CNTN4: variants seen among roughly 807,000 people sequenced by gnomAD.
CNTN4 encodes contactin-4.
In CNTN4, 77 loss-of-function variants were observed where a neutral mutation model predicts 122.5. That is an observed-to-expected ratio of 0.63 (90% CI 0.52 to 0.76). The LOEUF is 0.76. Ranked by LOEUF, CNTN4 falls within the 30% of genes least tolerant of loss-of-function variation. CNTN4 has a pLI of 0.00. For synonymous variants in CNTN4, 512 were observed against 447.0 expected (o/e 1.15, Z -1.83); for missense variants, 1,256 against 1,259.1 (o/e 1.00, Z 0.04).
At chr3:2,815,677 A>G (rs1022571535) in intron 6 of CNTN4, among the ~76,000 whole-genome samples, 4 of 152,142 alleles carry the variant, frequency 2.6e-5, no homozygotes. Flanking sequence ...CAGTGTGGAT[A>G]TTCCTTAAAG....
intron 4 of CNTN4, among the ~76,000 whole-genome samples, chr3:2,654,615 C>G (rs1311373900): frequency 6.6e-6 from 1 of 152,162 alleles, no homozygotes; most frequent in Non-Finnish European, 1.5e-5. Flanking sequence ...CACAAGCATT[C>G]AGCCCTGCTC....
intron 4 of CNTN4, among the ~76,000 whole-genome samples, chr3:2,678,484 G>T (rs1387118452): frequency 6.6e-6 from 1 of 152,054 alleles, no homozygotes; most frequent in African/African-American, 2.4e-5. Context: ...AGTTATCTTT[G>T]TGTTTAGGCT....
chr3:2,558,212 A>G (rs1346829783), intron 3 of CNTN4, among the ~76,000 whole-genome samples: 1 of 152,230 alleles, frequency 6.6e-6, no homozygotes, highest in African/African-American at 2.4e-5. Context: ...GTACGTAAGT[A>G]TAGTATGATC....
rs138972676 is a variant in CNTN4, at chr3:2,691,666, A to G, written c.56-44549A>G. Among the ~76,000 whole-genome samples, 49 of 152,340 alleles carry G rather than the reference A, an allele frequency of 3.2e-4. No homozygotes were observed. In the East Asian group the frequency reaches 9.1e-3, roughly 28 times the overall value. On this transcript the variant is annotated intron_variant, in intron 4 of 24. Coordinates refer to ENST00000418658, the MANE Select transcript of CNTN4 (RefSeq NM_175607.3). ...TGGAGCCATTGCCTCAGGGGAATATAGTAATTAGCATAACTATCAACAACA... is the reference window on the plus strand; with the variant it reads ...TGGAGCCATTGCCTCAGGGGAATATGGTAATTAGCATAACTATCAACAACA...
intron 24 of CNTN4, 113 bp downstream of exon 24, chr3:3,054,088 A>C: frequency 9.1e-7 from 1 of 1,102,884 alleles, no homozygotes; most frequent in South Asian, 1.3e-5. Flanking sequence ...TAAAATAGAA[A>C]TGGAGAACAC....
intron 2 of CNTN4, among the ~76,000 whole-genome samples, chr3:2,224,753 C>G (rs918011672): frequency 1.3e-5 from 2 of 152,146 alleles, no homozygotes; most frequent in Non-Finnish European, 2.9e-5. Flanking sequence ...CCTGTCAGCT[C>G]AATATGGGGT....
intron 6 of CNTN4, among the ~76,000 whole-genome samples, chr3:2,812,549 GTTTGTTTTT>G (rs1261816499): frequency 6.6e-6 from 1 of 150,980 alleles, no homozygotes; most frequent in Admixed American, 6.6e-5. Flanking sequence ...GTCTTATCAG[GTTTGTTTTT>G]TTTGTTTTGT....
intron 3 of CNTN4, among the ~76,000 whole-genome samples, chr3:2,429,341 G>A (rs2047969229): frequency 6.6e-6 from 1 of 152,208 alleles, no homozygotes; most frequent in Non-Finnish European, 1.5e-5. Flanking sequence ...GTTTGCTGGA[G>A]GTCCACTCCA....
chr3:2,340,472 T>TA (rs1003911672), intron 3 of CNTN4, among the ~76,000 whole-genome samples: 19 of 150,534 alleles, frequency 1.3e-4, no homozygotes, highest in African/African-American at 2.9e-4. Flanking sequence ...CACCCTCAGT[T>TA]AAAAAAAATA....
chr3:3,057,467 A>G lies in CNTN4; in HGVS notation c.*1247A>G, dbSNP rs903152205. On this transcript the variant is annotated 3_prime_UTR_variant, in exon 25 of 25. Coordinates refer to ENST00000418658, the MANE Select transcript of CNTN4 (RefSeq NM_175607.3). ...TCAACAAAACTGTATTCTTATGAAA[A>G]GAACTATTTGTTACAATGAGAAAGG... is the stretch of plus-strand genomic sequence containing the variant. The G allele has an allele frequency of 1.3e-5, 2 of 152,670 alleles. No homozygotes were observed. Among genetic ancestry groups the G allele is most frequent in the Non-Finnish European group, 2.9e-5 (2 of 68,046 alleles). The allele number at this position is 152,670 out of a possible 1,614,324, so 9.5% of individuals were successfully genotyped here.
chr3:2,747,444 A>T (rs1237002134), intron 6 of CNTN4, among the ~76,000 whole-genome samples: 2 of 145,234 alleles, frequency 1.4e-5, no homozygotes, highest in African/African-American at 2.5e-5. Context: ...AAAATAAAAT[A>T]CTATACCCAA....
chr3:2,954,940 C>T (rs2094783277), intron 13 of CNTN4, among the ~76,000 whole-genome samples: 1 of 152,114 alleles, frequency 6.6e-6, no homozygotes, highest in Non-Finnish European at 1.5e-5. Context: ...ACCGTAGTCT[C>T]ATTCCCTACG....
intron 4 of CNTN4, among the ~76,000 whole-genome samples, chr3:2,669,843 G>A (rs985376908): frequency 9.9e-5 from 15 of 152,110 alleles, no homozygotes; most frequent in South Asian, 2.1e-4. Flanking sequence ...CCTTCATTTC[G>A]TTATGTACCC....
chr3:2,591,464 A>C lies in CNTN4; in HGVS notation c.55+19906A>C, dbSNP rs374973181. On this transcript the variant is annotated intron_variant, in intron 4 of 24. Coordinates refer to ENST00000418658, the MANE Select transcript of CNTN4 (RefSeq NM_175607.3). Reference sequence around the variant, plus strand: ...ACTGCAAGCTCCGCCTCCCGGGTTCACGCCATTCTCCGGCCTCAGCCTCCC... The same window carrying C: ...ACTGCAAGCTCCGCCTCCCGGGTTCCCGCCATTCTCCGGCCTCAGCCTCCC... 9.1e-3 allele frequency among the ~76,000 whole-genome samples: 501 copies of C among 55,044 alleles called. 67 individuals carry two copies. The highest frequency in any genetic ancestry group is 0.03 in the Middle Eastern group (3 of 100). 36.1% of individuals were successfully genotyped at this position (55,044 alleles called of 152,430 possible). A position where few individuals can be genotyped will look rare whatever the true frequency, so the allele number is the denominator to read the frequency against.
intron 17 of CNTN4, among the ~76,000 whole-genome samples, chr3:3,035,236 A>G (rs149586259): frequency 0.055 from 8,126 of 146,822 alleles, 358 homozygotes; most frequent in Admixed American, 0.089. Context: ...TGAGCCCAGG[A>G]GGTAGAGGTT....
At chr3:2,121,949 A>G (rs576629439) in intron 2 of CNTN4, among the ~76,000 whole-genome samples, 2 of 152,114 alleles carry the variant, frequency 1.3e-5, no homozygotes, top group Non-Finnish European at 2.9e-5. Flanking sequence ...GCGGATCACG[A>G]GGTCAGGAGA....
At chr3:2,971,913 T>C (rs1158603063) in intron 13 of CNTN4, among the ~76,000 whole-genome samples, 1 of 152,228 alleles carries the variant, frequency 6.6e-6, no homozygotes, top group South Asian at 2.1e-4. Context: ...AAGTGCACTT[T>C]ACATTATGTG....
At chr3:2,541,468 G>C (rs919106769) in intron 3 of CNTN4, among the ~76,000 whole-genome samples, 2 of 151,986 alleles carry the variant, frequency 1.3e-5, no homozygotes, top group Admixed American at 1.3e-4. Flanking sequence ...GGACAGGCAG[G>C]GTTTATATAA....
At chr3:2,888,064 G>A (rs1159302725) in intron 10 of CNTN4, among the ~76,000 whole-genome samples, 1 of 152,200 alleles carries the variant, frequency 6.6e-6, no homozygotes, top group Non-Finnish European at 1.5e-5. Context: ...TGTAGGGCAA[G>A]TTGTAGCAAA....
Sources: allele counts gnomAD v4.1 joint callset (sites outside exome capture counted in the v4.1 genomes callset), GRCh38; gene constraint gnomAD v4.1.1; transcripts MANE v1.5; gene names NCBI Gene and HGNC (gene_info 2026-07-23, HGNC 2026-07-21).